ARAP1: variants seen among roughly 807,000 people sequenced by gnomAD.
ARAP1 encodes the protein arf-GAP with Rho-GAP domain, ANK repeat and PH domain-containing protein 1.
A neutral mutation model predicts 172.2 loss-of-function variants in ARAP1; 76 were observed. The observed-to-expected ratio is 0.44, with a 90% CI of 0.37 to 0.53. ARAP1 has a LOEUF of 0.53. Among genes scored for constraint, ARAP1 ranks in the 20% least tolerant of loss-of-function variants. The probability of loss-of-function intolerance (pLI) is 0.00; values close to 1 mark genes in which losing one functional copy is unlikely to be tolerated. For synonymous variants in ARAP1, 804 were observed against 803.3 expected, an observed-to-expected ratio of 1.00 and a Z score of -0.01; for missense variants, 1,686 against 1,977.5, an observed-to-expected ratio of 0.85 and a Z score of 2.80.
intron 1 of ARAP1, among the ~76,000 whole-genome samples, chr11:72,749,739 A>G (rs1427968477): frequency 5.3e-5 from 8 of 151,922 alleles, no homozygotes; most frequent in Non-Finnish European, 1.5e-5. Flanking sequence ...AAAATTAGCC[A>G]GGTGTGGTGG....
In ARAP1 at chr11:72,685,542, G is replaced by T; in HGVS notation, c.*122C>A. 5 of 1,364,806 alleles carry T rather than the reference G, an allele frequency of 3.7e-6. No individual in the cohort carries two copies. The highest frequency in any genetic ancestry group is 5.2e-6 in the Non-Finnish European group (5 of 958,704). The allele number at this position is 1,364,806 out of a possible 1,614,324, so 84.5% of individuals were successfully genotyped here. ...GCTGCAGTCAGGATGGAGGATGTGG[G>T]TTGTGGGGTGCAGTTTCCCATGCAC... is the stretch of plus-strand genomic sequence containing the variant. On this transcript the variant is annotated 3_prime_UTR_variant, in exon 35 of 35. Coordinates refer to ENST00000393609, the MANE Select transcript of ARAP1 (RefSeq NM_001040118.3).
chr11:72,709,337 T>C (rs1856906300), intron 11 of ARAP1, among the ~76,000 whole-genome samples: 1 of 152,180 alleles, frequency 6.6e-6, no homozygotes, highest in Non-Finnish European at 1.5e-5. Context: ...GTCACACAGC[T>C]AGTCAGTGGT....
chr11:72,741,688 G>A lies in ARAP1; in HGVS notation c.-127-9091C>T, dbSNP rs1039619478. Among the ~76,000 whole-genome samples, 1 of 152,192 alleles carries A rather than the reference G, an allele frequency of 6.6e-6. No individual in the cohort carries two copies. The highest frequency in any genetic ancestry group is 6.5e-5 in the Admixed American group (1 of 15,286). The stretch of plus-strand genomic sequence containing the variant: ...GACAGGGCTGACCGCAGCAGGGTGG[G>A]AGTGCACAGGGCTGACCACAGAATC... On this transcript the variant is annotated intron_variant, in intron 1 of 34. Transcript: ENST00000393609. This position sits in a 1 kb window ranked among gnomAD's most constrained non-coding sequence, Gnocchi z 4.5.
At chr11:72,688,009 T>G (rs1296826456) in intron 31 of ARAP1, among the ~76,000 whole-genome samples, 1 of 11,638 alleles carries the variant, frequency 8.6e-5, no homozygotes, top group Non-Finnish European at 3.9e-4. Flanking sequence ...TTGTTGTTGT[T>G]TTTTTTTTGA....
chr11:72,716,387 C>T lies in ARAP1; in HGVS notation c.510-2066G>A, dbSNP rs552371009. 9.8e-5 allele frequency among the ~76,000 whole-genome samples: 15 copies of T among 152,324 alleles called. No individual in the cohort carries two copies. The South Asian group carries it at 2.9e-3, about 29-fold the overall frequency. On this transcript the variant is annotated intron_variant, in intron 3 of 34. Transcript: ENST00000393609. ...ACCCTTTCCTCTTCTGTGTGAAGAG[C>T]TGGCCTTCGGCTAGGTTTCCAGCTC...
intron 31 of ARAP1, among the ~76,000 whole-genome samples, 199 bp from the exon 32 acceptor site, chr11:72,687,937 GCCCTA>G (rs1855761874): frequency 6.6e-6 from 1 of 152,020 alleles, no homozygotes; most frequent in East Asian, 1.9e-4. Context: ...CTAAGCCCCA[GCCCTA>G]CCCTCAGAAT....
intron 5 of ARAP1, 96 bp from the exon 6 acceptor site, chr11:72,712,664 C>A (rs551554220): frequency 6.3e-7 from 1 of 1,580,046 alleles, no homozygotes; most frequent in South Asian, 1.1e-5. Flanking sequence ...ACAGCCCCGA[C>A]CCACACAGCC....
At position 72,703,412 on chromosome 11, in the gene ARAP1, G is replaced by A. The variant is rs564957323; in HGVS notation, c.1993-333C>T. 5.5e-4 allele frequency: 97 copies of A among 175,376 alleles called. 7 individuals are homozygous for A. The highest frequency in any genetic ancestry group is 2.0e-3 in the African/African-American group (80 of 40,670). The allele number at this position is 175,376 out of a possible 1,614,324, so 10.9% of individuals were successfully genotyped here. ...CCTTCTGCCTTGTGGAGGAGCCGGG[G>A]GGGGGGTGTGCTTTGTAGCTAATTC... On this transcript the variant is annotated intron_variant, in intron 14 of 34. Transcript: ENST00000393609.
At chr11:72,723,073 C>T (rs729120) in intron 3 of ARAP1, among the ~76,000 whole-genome samples, 34,921 of 151,946 alleles carry the variant, frequency 0.23, 4,582 homozygotes, top group East Asian at 0.54. Flanking sequence ...TTTGGGAGGT[C>T]GAGGCAGGAG....
At chr11:72,696,516 C>G (rs766854288) in intron 23 of ARAP1, 33 bp downstream of exon 23, 22 of 1,454,664 alleles carry the variant, frequency 1.5e-5, no homozygotes, top group Non-Finnish European at 1.6e-5. Context: ...TCATCCCATC[C>G]CCCCAGAATC....
rs1051308614 is a variant in ARAP1, at chr11:72,752,320, G to A, written c.-128+8C>T. On this transcript the variant is annotated splice_region_variant and intron_variant, in intron 1 of 34. Coordinates refer to ENST00000393609, the MANE Select transcript of ARAP1 (RefSeq NM_001040118.3). The stretch of plus-strand genomic sequence containing the variant: ...TGCAGACGGGGAGGCTCCGGCAGCC[G>A]CACTGACCTGTTTTGAGTAAAGACT... The A allele has an allele frequency of 6.6e-6, 1 of 152,446 alleles. No homozygotes were observed. Among genetic ancestry groups the A allele is most frequent in the South Asian group, 2.1e-4 (1 of 4,848 alleles). 9.4% of individuals were successfully genotyped at this position (152,446 alleles called of 1,614,324 possible).
At chr11:72,704,743 A>C in intron 13 of ARAP1, 1 of 182,076 alleles carries the variant, frequency 5.5e-6, no homozygotes, top group South Asian at 1.1e-4. Flanking sequence ...CCTATCCCTG[A>C]CATTCCTCTC....
rs543944798 is a variant in ARAP1 at position 72,700,878 on chromosome 11, A to G, written c.2302+771T>C. Among the ~76,000 whole-genome samples, 3 of 152,304 alleles carry G rather than the reference A, an allele frequency of 2.0e-5. No individual in the cohort carries two copies. The South Asian group carries it at 6.2e-4, about 32-fold the overall frequency. On this transcript the variant is annotated intron_variant, in intron 16 of 34. Transcript: ENST00000393609. ...CCAGGCATGATGGCGCATGCCTGTA[A>G]TCCCAGCTACTCGGGAGGCTGAGGC...
chr11:72,691,109 G>A (rs963748841), intron 30 of ARAP1, among the ~76,000 whole-genome samples: 76 of 152,278 alleles, frequency 5.0e-4, no homozygotes, highest in African/African-American at 1.7e-3. Context: ...ACAAGCTTGC[G>A]TTTCCACACT....
At position 72,725,666 on chromosome 11, in the gene ARAP1, C is replaced by T. The variant is rs144049053; in HGVS notation, c.509+954G>A. ...GGCATGGATCCAGCCAGGGCCCCCT[C>T]CCTGCTCTCCCTCTGATTTGTTCAT... On this transcript the variant is annotated intron_variant, in intron 3 of 34. Transcript: ENST00000393609. The surrounding 1 kb of genome is among the most constrained non-coding windows in gnomAD (Gnocchi z 4.3). 1.1e-3 allele frequency among the ~76,000 whole-genome samples: 172 copies of T among 152,266 alleles called. 2 individuals carry two copies. In the Middle Eastern group the frequency reaches 0.048, roughly 42 times the overall value.
chr11:72,710,513 C>A lies in ARAP1; in HGVS notation c.1288G>T (p.Ala430Ser). Residue 430 changes from alanine (A) to serine (S), a missense_variant, in exon 10 of 35, where the codon GCT becomes TCT. Transcript: ENST00000393609. The surrounding 1 kb of genome is among the most constrained non-coding windows in gnomAD (Gnocchi z 4.3). ...EQRARARLSSAYLLGVPGSEQ... is the reference protein window; with the variant it reads ...EQRARARLSSSYLLGVPGSEQ... ...GAGCCTGGAACTCCCAGCAGATAAG[C>A]GCTAGAGAGCCGGGCCCGGGCACGC... The A allele has an allele frequency of 2.5e-6, 4 of 1,613,930 alleles. No homozygotes were observed. The highest frequency in any genetic ancestry group is 3.4e-6 in the Non-Finnish European group (4 of 1,179,984).
chr11:72,743,180 T>C (rs1277904581), intron 1 of ARAP1, among the ~76,000 whole-genome samples: 1 of 152,258 alleles, frequency 6.6e-6, no homozygotes, highest in Admixed American at 6.5e-5. Flanking sequence ...GCACAGACTT[T>C]GTCTTATTCA....
At chr11:72,720,498 G>A (rs1191827443) in intron 3 of ARAP1, among the ~76,000 whole-genome samples, 1 of 152,130 alleles carries the variant, frequency 6.6e-6, no homozygotes, top group African/African-American at 2.4e-5. Context: ...GAGCCCCTAG[G>A]GCCAGTCCTC....
rs542124595 is a variant in ARAP1, at chr11:72,705,953, C to A, written c.1724-63G>T. On this transcript the variant is annotated intron_variant, in intron 12 of 34. Coordinates refer to ENST00000393609, the MANE Select transcript of ARAP1 (RefSeq NM_001040118.3). ...CCCCCTTCACGGGAGCACTTACCCA[C>A]CCCCAGTGTCTACTGGGACAGGCAG... 20 of 1,541,352 alleles carry A rather than the reference C, an allele frequency of 1.3e-5. No individual in the cohort carries two copies. The South Asian group carries it at 2.1e-4, about 16-fold the overall frequency.
Sources: gnomAD v4.1 joint callset for allele counts (sites outside exome capture counted in the v4.1 genomes callset) on GRCh38, gnomAD v4.1.1 for gene constraint, Gnocchi (gnomAD v3.1) non-coding constraint, MANE v1.5 for transcripts, NCBI Gene and HGNC (gene_info 2026-07-23, HGNC 2026-07-21) for gene names.